The following MCF2L2 variants were observed in gnomAD, a reference collection of about 807,000 sequenced individuals.
MCF2L2 encodes MCF.2 cell line derived transforming sequence-like 2.
Under a neutral mutation model 150.2 loss-of-function variants are expected in MCF2L2, and 102 were observed. That is an observed-to-expected ratio of 0.68 (90% CI 0.58 to 0.80). MCF2L2 has a LOEUF of 0.80. MCF2L2 is among the 30% of genes least tolerant of loss of function. The pLI is 0.00. For missense variants in MCF2L2, 1,256 were observed against 1,372.8 expected, an observed-to-expected ratio of 0.91 and a Z score of 1.34; for synonymous variants, 465 against 491.3, an observed-to-expected ratio of 0.95 and a Z score of 0.71.
In MCF2L2 at chr3:183,323,347, A is replaced by G. The variant is rs945719882; in HGVS notation, c.491T>C (p.Ile164Thr). The stretch of plus-strand genomic sequence containing the variant: ...AAGGTCAGAGACAGAGTTTACCATG[A>G]TGATCTGTAAGGTAAAAATTTAATT... ...RNEFKTKVPIIMVNSVSDLHG... is the reference protein window; with the variant it reads ...RNEFKTKVPITMVNSVSDLHG... Residue 164 changes from isoleucine (I) to threonine (T), a missense_variant, in exon 6 of 30, where the codon ATC (isoleucine) becomes ACC (threonine). Ile to Thr is a moderately conservative substitution (Grantham distance 89, BLOSUM62 -1). Transcript: ENST00000328913. The G allele has an allele frequency of 1.0e-5, 16 of 1,598,728 alleles. No individual in the cohort carries two copies. In the South Asian group the frequency reaches 1.8e-4, roughly 18 times the overall value.
rs1407263241 is a variant in MCF2L2, at chr3:183,270,266, A to C, written c.1862+6606T>G. Reference sequence around the variant, plus strand: ...GGGAAGATCAAAGGTACAATGATATAATTCAGCAAGACTTTGTTGATTCTT... The same window carrying C: ...GGGAAGATCAAAGGTACAATGATATCATTCAGCAAGACTTTGTTGATTCTT... On this transcript the variant is annotated intron_variant, in intron 15 of 29. Coordinates refer to ENST00000328913, the MANE Select transcript of MCF2L2 (RefSeq NM_015078.4). The surrounding 1 kb of genome is among the most constrained non-coding windows in gnomAD (Gnocchi z 4.5). 2 of 1,614,194 alleles carry C rather than the reference A, an allele frequency of 1.2e-6. No homozygotes were observed. The highest frequency in any genetic ancestry group is 1.7e-6 in the Non-Finnish European group (2 of 1,180,020).
At chr3:183,231,608 T>C (rs9844013) in intron 15 of MCF2L2, among the ~76,000 whole-genome samples, 61,998 of 150,470 alleles carry the variant, frequency 0.41, 15,260 homozygotes, top group African/African-American at 0.7. Flanking sequence ...ATATGCACCA[T>C]CACACCCAGC....
intron 20 of MCF2L2, 113 bp downstream of exon 20, chr3:183,223,232 CG>C (rs1723207926): frequency 1.4e-6 from 1 of 716,686 alleles, no homozygotes; most frequent in Non-Finnish European, 2.4e-6. Flanking sequence ...GCAGGATAGA[CG>C]TATCTTCAGC....
intron 20 of MCF2L2, among the ~76,000 whole-genome samples, chr3:183,220,907 T>C (rs1442396301): frequency 1.3e-5 from 2 of 152,256 alleles, no homozygotes; most frequent in Non-Finnish European, 2.9e-5. Context: ...ATCTGTTACA[T>C]ATTTTGTTCA....
In MCF2L2 at chr3:183,300,101, C is replaced by T. The variant is rs147469829; in HGVS notation, c.1209G>A (p.Val403=). Residue 403 remains valine, a synonymous_variant, in exon 11 of 30, where the codon GTG becomes GTA. Coordinates refer to ENST00000328913, the MANE Select transcript of MCF2L2 (RefSeq NM_015078.4). ...YAADAIRPRC[V]ELRHLCDDFI... The stretch of plus-strand genomic sequence containing the variant: ...AATCGTCACAGAGGTGCCTGAGCTC[C>T]ACACACCGGGGCCTGATGGCATCTG... 213 of 1,613,646 alleles carry T rather than the reference C, an allele frequency of 1.3e-4. No individual in the cohort carries two copies. Among genetic ancestry groups the T allele is most frequent in the Middle Eastern group, 8.2e-4 (5 of 6,062 alleles).
At position 183,178,415 on chromosome 3, in the gene MCF2L2, C is replaced by G. The variant is rs1247468186; in HGVS notation, c.*965G>C. Reference sequence around the variant, plus strand: ...AACCCGGGAGGCGGTTTGCAGTGAGCCGAGATCACACCACTGCACTCCAGC... The same window carrying G: ...AACCCGGGAGGCGGTTTGCAGTGAGGCGAGATCACACCACTGCACTCCAGC... On this transcript the variant is annotated 3_prime_UTR_variant, in exon 30 of 30. Transcript: ENST00000328913. 6.6e-6 allele frequency: 1 copy of G among 152,130 alleles called. No individual in the cohort carries two copies. Among genetic ancestry groups the G allele is most frequent in the African/African-American group, 2.4e-5 (1 of 41,398 alleles). 9.4% of individuals were successfully genotyped at this position (152,130 alleles called of 1,614,324 possible). A position where few individuals can be genotyped will look rare whatever the true frequency, so the allele number is the denominator to read the frequency against.
At chr3:183,307,639 G>C (rs961078898) in intron 10 of MCF2L2, among the ~76,000 whole-genome samples, 3 of 152,192 alleles carry the variant, frequency 2.0e-5, no homozygotes, top group African/African-American at 7.2e-5. Flanking sequence ...AGCAACTTTT[G>C]AAGTATATAC....
intron 1 of MCF2L2, among the ~76,000 whole-genome samples, chr3:183,424,628 C>T (rs970625975): frequency 5.9e-5 from 9 of 152,072 alleles, no homozygotes; most frequent in African/African-American, 2.2e-4. Context: ...AACCCAGTAA[C>T]CATAATACAG....
rs1469313197 is a variant in MCF2L2 at position 183,179,576 on chromosome 3, C to T, written c.3221+1G>A. On this transcript the variant is annotated splice_donor_variant, in intron 29 of 29. Coordinates refer to ENST00000328913, the MANE Select transcript of MCF2L2 (RefSeq NM_015078.4). LOFTEE classifies it high-confidence loss of function. This position sits in a 1 kb window ranked among gnomAD's most constrained non-coding sequence, Gnocchi z 4.2. The stretch of plus-strand genomic sequence containing the variant: ...CTTAGTCTTTCCTCGCTCACACTCA[C>T]GTTTCCTCCTCATCGCGTTCTTCTT... 3 of 1,614,138 alleles carry T rather than the reference C, an allele frequency of 1.9e-6. No homozygotes were observed. Among genetic ancestry groups the T allele is most frequent in the South Asian group, 2.2e-5 (2 of 91,084 alleles).
intron 3 of MCF2L2, among the ~76,000 whole-genome samples, chr3:183,365,387 G>A (rs1432867386): frequency 1.3e-5 from 2 of 152,114 alleles, no homozygotes; most frequent in East Asian, 3.8e-4. Flanking sequence ...AGAAAAGAAG[G>A]CAAAGCTTAA....
intron 15 of MCF2L2, among the ~76,000 whole-genome samples, chr3:183,251,233 C>T (rs1226009303): frequency 6.6e-6 from 1 of 152,200 alleles, no homozygotes; most frequent in East Asian, 1.9e-4. Flanking sequence ...ACAAATTTCG[C>T]TAAACAGGTC....
At chr3:183,332,178 A>G (rs1293821766) in intron 5 of MCF2L2, among the ~76,000 whole-genome samples, 1 of 152,220 alleles carries the variant, frequency 6.6e-6, no homozygotes, top group Non-Finnish European at 1.5e-5. Context: ...ACACGTATTG[A>G]GAAGTTAGAT....
chr3:183,253,639 A>G (rs1170874354), intron 15 of MCF2L2: 1 of 152,258 alleles, frequency 6.6e-6, no homozygotes, highest in African/African-American at 2.4e-5. Flanking sequence ...TTTTAACAAG[A>G]CCCGCCTGAG....
intron 10 of MCF2L2, among the ~76,000 whole-genome samples, chr3:183,309,058 T>C (rs1355834366): frequency 6.6e-6 from 1 of 152,238 alleles, no homozygotes; most frequent in Non-Finnish European, 1.5e-5. Flanking sequence ...TAAAATGGAA[T>C]CATTTCTAAA....
At chr3:183,192,877 C>A in intron 27 of MCF2L2, 122 bp downstream of exon 27, 1 of 687,406 alleles carries the variant, frequency 1.5e-6, no homozygotes, top group African/African-American at 1.8e-5. Context: ...AAAATGCTTT[C>A]TTTTTTCTCC....
chr3:183,360,436 G>A (rs1289193738), intron 3 of MCF2L2, among the ~76,000 whole-genome samples: 1 of 152,038 alleles, frequency 6.6e-6, no homozygotes, highest in African/African-American at 2.4e-5. Context: ...GAGCATGGTG[G>A]CATGCCTGTA....
At chr3:183,368,000 G>C (rs1482119220) in intron 3 of MCF2L2, among the ~76,000 whole-genome samples, 3 of 152,200 alleles carry the variant, frequency 2.0e-5, no homozygotes, top group Non-Finnish European at 2.9e-5. Flanking sequence ...CCAGGGGCCA[G>C]AAAATCTAAA....
At chr3:183,194,815 T>C (rs6781144) in intron 26 of MCF2L2, among the ~76,000 whole-genome samples, 115 of 152,314 alleles carry the variant, frequency 7.6e-4, no homozygotes, top group African/African-American at 2.6e-3. Flanking sequence ...AGGCTCTCGC[T>C]CTGTCACAGA....
chr3:183,228,452 C>G, intron 17 of MCF2L2, 86 bp from the exon 18 acceptor site: 1 of 857,708 alleles, frequency 1.2e-6, no homozygotes, highest in Non-Finnish European at 1.9e-6. Flanking sequence ...CATAAGGTTT[C>G]AAGAGGTGCC....
Sources: gnomAD v4.1 joint callset for allele counts (sites outside exome capture counted in the v4.1 genomes callset) on GRCh38, gnomAD v4.1.1 for gene constraint, Gnocchi (gnomAD v3.1) non-coding constraint, MANE v1.5 for transcripts, NCBI Gene and HGNC (gene_info 2026-07-23, HGNC 2026-07-21) for gene names.